Variants in SDC1 observed in about 807,000 individuals in gnomAD.
SDC1 encodes the protein syndecan 1, also known as syndecan-1.
A neutral mutation model predicts 29.7 loss-of-function variants in SDC1; 14 were observed. The observed-to-expected ratio is 0.47, with a 90% confidence interval of 0.31 to 0.74. The LOEUF is 0.74. SDC1 is among the 30% of genes least tolerant of loss of function. The pLI is 0.05. For synonymous variants in SDC1, 204 were observed against 175.5 expected (o/e 1.16, Z -1.29); for missense variants, 406 against 400.3 (o/e 1.01, Z -0.12).
chr2:20,202,752 G>T lies in SDC1; in HGVS notation c.*14C>A, dbSNP rs200702752. 5 of 1,582,750 alleles carry T rather than the reference G, an allele frequency of 3.2e-6. No homozygotes were observed. Reference sequence around the variant, plus strand: ...TAGTGAGTGGCAGGGCGGAGGGGGCGCATGGCTCCCGCGTCAGGCATAGAA... The same window carrying T: ...TAGTGAGTGGCAGGGCGGAGGGGGCTCATGGCTCCCGCGTCAGGCATAGAA... On this transcript the variant is annotated 3_prime_UTR_variant, in exon 5 of 5. Transcript: ENST00000254351.
intron 4 of SDC1, 58 bp from the exon 5 acceptor site, chr2:20,202,993 C>A: frequency 6.4e-7 from 1 of 1,572,502 alleles, no homozygotes; most frequent in Non-Finnish European, 8.7e-7. Context: ...CTGCTGCAGA[C>A]CCTCCCCAAA....
chr2:20,223,814 TC>T (rs1677901197), intron 1 of SDC1, among the ~76,000 whole-genome samples: 1 of 152,094 alleles, frequency 6.6e-6, no homozygotes, highest in Admixed American at 6.5e-5. Context: ...CTGGGGACCC[TC>T]AGGCTGCTCT....
chr2:20,219,370 C>G (rs1677739187), intron 1 of SDC1, among the ~76,000 whole-genome samples: 1 of 152,186 alleles, frequency 6.6e-6, no homozygotes, highest in Non-Finnish European at 1.5e-5. Flanking sequence ...GCAGTAACAT[C>G]ACAGGTAAAG....
Position 20,204,311 on chromosome 2 carries a change from G to T in SDC1, c.149-20C>A. The T allele has an allele frequency of 6.6e-7, 1 of 1,514,226 alleles. No homozygotes were observed. Among genetic ancestry groups the T allele is most frequent in the Non-Finnish European group, 9.0e-7 (1 of 1,110,744 alleles). The allele number at this position is 1,514,226 out of a possible 1,614,324, so 93.8% of individuals were successfully genotyped here. ...AAGCACCTGCAGGACCAGAAGCAGA[G>T]TGTGTTGGGGAGGTGGGGGGTGGGG... On this transcript the variant is annotated intron_variant, in intron 2 of 4. Coordinates refer to ENST00000254351, the MANE Select transcript of SDC1 (RefSeq NM_002997.5).
intron 1 of SDC1, among the ~76,000 whole-genome samples, chr2:20,218,630 T>A (rs1366756265): frequency 7.6e-6 from 1 of 130,844 alleles, no homozygotes; most frequent in Admixed American, 7.5e-5. Flanking sequence ...CACAGACACA[T>A]AAACACACAG....
Position 20,205,449 on chromosome 2 carries a change from T to C in SDC1, c.67-25A>G, listed in dbSNP as rs746096311. 15 of 1,599,900 alleles carry C rather than the reference T, an allele frequency of 9.4e-6. No individual in the cohort carries two copies. In the African/African-American group the frequency reaches 1.2e-4, roughly 13 times the overall value. Reference sequence around the variant, plus strand: ...GCTGGAAAAGGATCAGAATATGGTATGAGTAAAGGCTTGGCCGGGTCTCTG... The same window carrying C: ...GCTGGAAAAGGATCAGAATATGGTACGAGTAAAGGCTTGGCCGGGTCTCTG... On this transcript the variant is annotated intron_variant, in intron 1 of 4. Transcript: ENST00000254351.
intron 1 of SDC1, among the ~76,000 whole-genome samples, chr2:20,212,099 C>T (rs1677484216): frequency 7.8e-6 from 1 of 128,264 alleles, no homozygotes; most frequent in Non-Finnish European, 1.7e-5. Flanking sequence ...CAGGCTGGCC[C>T]CGCGGCTTTA....
At position 20,215,495 on chromosome 2, in the gene SDC1, G is replaced by A. The variant is rs558141723; in HGVS notation, c.66+9307C>T. The stretch of plus-strand genomic sequence containing the variant: ...AGGCCCTGTTAACGTCAGCAGCACT[G>A]GGGTCAGACCAGCAGGCCATTCACA... On this transcript the variant is annotated intron_variant, in intron 1 of 4. Coordinates refer to ENST00000254351, the MANE Select transcript of SDC1 (RefSeq NM_002997.5). Among the ~76,000 whole-genome samples, 3 of 152,360 alleles carry A rather than the reference G, an allele frequency of 2.0e-5. No individual in the cohort carries two copies. The East Asian group carries it at 5.8e-4, about 29-fold the overall frequency.
chr2:20,203,741 T>G, intron 3 of SDC1, 72 bp downstream of exon 3: 2 of 1,116,308 alleles, frequency 1.8e-6, no homozygotes, highest in Non-Finnish European at 2.6e-6. Flanking sequence ...AGGGCACAGG[T>G]GTAGGGCCTG....
rs116101356 is a variant in SDC1 at position 20,208,761 on chromosome 2, T to C, written c.67-3337A>G. On this transcript the variant is annotated intron_variant, in intron 1 of 4. Transcript: ENST00000254351. ...CGGCTCAAGGCTGCTCAGGAACAGG[T>C]GGCCTCAGCTTGGAGACTACCTAAT... Among the ~76,000 whole-genome samples, 1,487 of 152,290 alleles carry C rather than the reference T, an allele frequency of 9.8e-3. 25 individuals carry two copies. The highest frequency in any genetic ancestry group is 0.032 in the African/African-American group (1,319 of 41,556).
intron 1 of SDC1, among the ~76,000 whole-genome samples, chr2:20,210,555 G>T (rs148263323): frequency 6.6e-6 from 1 of 152,218 alleles, no homozygotes; most frequent in East Asian, 1.9e-4. Context: ...CCTCTGATTC[G>T]CAGTCATTCG....
chr2:20,205,288 C>G (rs1360148300), intron 2 of SDC1, 55 bp downstream of exon 2: 3 of 1,329,374 alleles, frequency 2.3e-6, no homozygotes, highest in Non-Finnish European at 3.3e-6. Flanking sequence ...GACCACTGCC[C>G]ACAGGCATGA....
chr2:20,222,791 C>T (rs879528104), intron 1 of SDC1, among the ~76,000 whole-genome samples: 8 of 152,306 alleles, frequency 5.3e-5, no homozygotes, highest in Admixed American at 4.6e-4. Flanking sequence ...GCGGTGGGAT[C>T]CCAGGGCTCT....
chr2:20,223,281 G>C, intron 1 of SDC1: 1 of 1,297,420 alleles, frequency 7.7e-7, no homozygotes, highest in Non-Finnish European at 1.0e-6. Context: ...GACAGACTCT[G>C]TAAAGAAAAA....
At chr2:20,221,210 C>T (rs1416251124) in intron 1 of SDC1, among the ~76,000 whole-genome samples, 1 of 152,200 alleles carries the variant, frequency 6.6e-6, no homozygotes, top group South Asian at 2.1e-4. Flanking sequence ...AGGCAAGGCC[C>T]TTACCCAGAG....
intron 1 of SDC1, among the ~76,000 whole-genome samples, chr2:20,205,711 TC>T (rs1240518734): frequency 6.6e-6 from 1 of 151,812 alleles, no homozygotes; most frequent in African/African-American, 2.4e-5. Flanking sequence ...GTGAGGGAGC[TC>T]CAGACCTCTC....
At chr2:20,209,723 A>G (rs2015098) in intron 1 of SDC1, among the ~76,000 whole-genome samples, 2 of 151,954 alleles carry the variant, frequency 1.3e-5, no homozygotes, top group African/African-American at 4.8e-5. Flanking sequence ...AAAGAGGGCC[A>G]CTCTCCTTGG....
rs756420300 is a variant in SDC1, at chr2:20,203,996, G to A, written c.444C>T (p.Pro148=). 38 of 1,613,512 alleles carry A rather than the reference G, an allele frequency of 2.4e-5. No individual in the cohort carries two copies. The highest frequency in any genetic ancestry group is 1.4e-4 in the South Asian group (13 of 91,060). Residue 148 remains proline (P), a synonymous_variant, in exon 3 of 5, where the codon CCC becomes CCT. Transcript: ENST00000254351. ...STTTATTAQE[P]ATSHPHRDMQ... ...TGTCCCTGTGGGGGTGGGAGGTGGC[G>A]GGCTCCTGGGCCGTGGTGGCTGTGG...
At chr2:20,211,414 C>T (rs1280003889) in intron 1 of SDC1, among the ~76,000 whole-genome samples, 3 of 152,204 alleles carry the variant, frequency 2.0e-5, no homozygotes, top group Non-Finnish European at 4.4e-5. Flanking sequence ...GCCAAAGGAC[C>T]AGGGAAAGCT....
Sources: allele counts gnomAD v4.1 joint callset (sites outside exome capture counted in the v4.1 genomes callset), GRCh38; gene constraint gnomAD v4.1.1; transcripts MANE v1.5; gene names NCBI Gene and HGNC (gene_info 2026-07-23, HGNC 2026-07-21).